The following RHEBL1 variants were observed in gnomAD, a reference collection of about 807,000 sequenced individuals.
The protein encoded by RHEBL1 is RHEB like 1, also known as GTPase RhebL1.
Under a neutral mutation model 27.4 loss-of-function variants are expected in RHEBL1, and 22 were observed. The observed-to-expected ratio is 0.80, with a 90% CI of 0.57 to 1.15. RHEBL1 has a LOEUF of 1.15. RHEBL1 is among the 50% of genes most tolerant of loss of function. RHEBL1 has a pLI of 0.00. For missense variants in RHEBL1, 186 were observed against 226.5 expected (o/e 0.82, Z 1.15); for synonymous variants, 85 against 80.8 (o/e 1.05, Z -0.28).
At chr12:49,068,994 G>C in intron 2 of RHEBL1, 41 bp downstream of exon 2, 7 of 1,580,042 alleles carry the variant, frequency 4.4e-6, no homozygotes, top group Non-Finnish European at 6.0e-6. Flanking sequence ...AAGCCCTCCG[G>C]GTCGCATACC....
rs753276277 is a variant in RHEBL1, at chr12:49,066,462, C to G, written c.332+14G>C. 1 of 1,613,416 alleles carries G rather than the reference C, an allele frequency of 6.2e-7. No individual in the cohort carries two copies. The highest frequency in any genetic ancestry group is 8.5e-7 in the Non-Finnish European group (1 of 1,179,328). ...CATGCCCACACTATGTCCCTATCCC[C>G]CAGGGCCACTTACCGGGTTTTCCCA... On this transcript the variant is annotated intron_variant, in intron 5 of 7. Coordinates refer to ENST00000301068, the MANE Select transcript of RHEBL1 (RefSeq NM_144593.3).
chr12:49,068,182 C>T (rs1026615851), intron 2 of RHEBL1, among the ~76,000 whole-genome samples: 12 of 150,716 alleles, frequency 8.0e-5, no homozygotes, highest in Admixed American at 5.3e-4. Flanking sequence ...CAGGCTAGAG[C>T]GCAGTGGCAC....
At chr12:49,067,096 T>C in intron 2 of RHEBL1, 61 bp from the exon 3 acceptor site, 1 of 908,228 alleles carries the variant, frequency 1.1e-6, no homozygotes, top group Non-Finnish European at 1.7e-6. Context: ...GTATGTCCCC[T>C]GACTTTTTTT....
intron 2 of RHEBL1, 71 bp downstream of exon 2, chr12:49,068,964 T>C (rs79664244): frequency 3.9e-5 from 57 of 1,465,280 alleles, no homozygotes; most frequent in South Asian, 2.9e-4. Context: ...AAATAAATTA[T>C]GGAGTTGGGT....
In RHEBL1 at chr12:49,065,368, T is replaced by C; in HGVS notation, c.444A>G (p.Ser148=). 3 of 1,614,148 alleles carry C rather than the reference T, an allele frequency of 1.9e-6. No homozygotes were observed. Among genetic ancestry groups the C allele is most frequent in the Non-Finnish European group, 2.5e-6 (3 of 1,180,016 alleles). The change falls in exon 7 of 8, where the codon TCA becomes TCG. Residue 148 remains serine (S), a synonymous_variant. Transcript: ENST00000301068. The stretch of plus-strand genomic sequence containing the variant: ...CCAGCACCTGATTCTCTCGAGCAGA[T>C]GACTCCATAAATGTCGCACCCCAGG... ...AESWGATFME[S]SARENQLTQG...
At chr12:49,066,832 C>G (rs754118188) in intron 3 of RHEBL1, 131 bp from the exon 4 acceptor site, 37 of 1,097,976 alleles carry the variant, frequency 3.4e-5, no homozygotes, top group Non-Finnish European at 4.6e-5. Flanking sequence ...ATTTATGGAA[C>G]AGCTCCAATG....
intron 2 of RHEBL1, among the ~76,000 whole-genome samples, chr12:49,068,158 T>G (rs1939028027): frequency 6.6e-6 from 1 of 151,726 alleles, no homozygotes. Flanking sequence ...AGACATTGCT[T>G]CACTCTTGTT....
At chr12:49,067,124 C>CTCTTGTCTCAAAA in intron 2 of RHEBL1, 89 bp from the exon 3 acceptor site, 1 of 763,546 alleles carries the variant, frequency 1.3e-6, no homozygotes, top group Non-Finnish European at 2.1e-6. Flanking sequence ...TTTTTTGAGA[C>CTCTTGTCTCAAAA]AAGAGTCTCA....
rs201496596 is a variant in RHEBL1, at chr12:49,065,384, G to A, written c.428C>T (p.Ala143Val). The A allele has an allele frequency of 1.9e-4, 314 of 1,613,884 alleles. No homozygotes were observed. Among genetic ancestry groups the A allele is most frequent in the Non-Finnish European group, 2.6e-4 (301 of 1,179,982 alleles). The change falls in exon 7 of 8, where the codon GCG (alanine) becomes GTG (valine). Residue 143 changes from alanine (A) to valine (V), a missense_variant. This residue lies in a region of RHEBL1 where 90 missense variants were observed against 95.2 expected (regional missense o/e 0.95). Coordinates refer to ENST00000301068, the MANE Select transcript of RHEBL1 (RefSeq NM_144593.3). ...EGKKLAESWGATFMESSAREN... is the reference protein window; with the variant it reads ...EGKKLAESWGVTFMESSAREN... ...TCGAGCAGATGACTCCATAAATGTC[G>A]CACCCCAGGACTCTGCCAGCTTCTT... is the stretch of plus-strand genomic sequence containing the variant.
At chr12:49,068,937 G>A (rs1481732702) in intron 2 of RHEBL1, 98 bp downstream of exon 2, 7 of 1,249,722 alleles carry the variant, frequency 5.6e-6, no homozygotes, top group African/African-American at 1.5e-5. Flanking sequence ...AAATAAATCA[G>A]CCCCTTGGCA....
rs186774244 is a variant in RHEBL1 at position 49,066,460 on chromosome 12, C to T, written c.332+16G>A. ...CTCATGCCCACACTATGTCCCTATCCCCCAGGGCCACTTACCGGGTTTTCC... is the reference window on the plus strand; with the variant it reads ...CTCATGCCCACACTATGTCCCTATCTCCCAGGGCCACTTACCGGGTTTTCC... On this transcript the variant is annotated intron_variant, in intron 5 of 7. Transcript: ENST00000301068. 9.7e-5 allele frequency: 157 copies of T among 1,613,192 alleles called. No individual in the cohort carries two copies. Among genetic ancestry groups the T allele is most frequent in the Admixed American group, 3.2e-4 (19 of 60,012 alleles).
intron 7 of RHEBL1, 38 bp from the exon 8 acceptor site, chr12:49,065,230 G>T (rs745428661): frequency 1.9e-6 from 3 of 1,571,712 alleles, no homozygotes; most frequent in South Asian, 2.2e-5. Flanking sequence ...AGTCAGTTCA[G>T]TGCCAATACC....
rs1565840557 is a variant in RHEBL1, at chr12:49,069,588, TTCC to T, written c.52+143_52+145del. On this transcript the variant is annotated intron_variant, in intron 1 of 7. Transcript: ENST00000301068. Reference sequence around the variant, plus strand: ...CACCAACTCTTCCAATCCTCCACTCTTCCATTCCTCCACTCTTCCAATCCTCGC... The same window carrying T: ...CACCAACTCTTCCAATCCTCCACTCTATTCCTCCACTCTTCCAATCCTCGC... The T allele has an allele frequency of 1.2e-4, 28 of 236,464 alleles. 9 individuals are homozygous for T. Among genetic ancestry groups the T allele is most frequent in the African/African-American group, 2.9e-4 (5 of 17,260 alleles). The allele number at this position is 236,464 out of a possible 1,614,324, so 14.6% of individuals were successfully genotyped here.
chr12:49,069,159 C>G, intron 1 of RHEBL1, 53 bp from the exon 2 acceptor site: 1 of 1,613,730 alleles, frequency 6.2e-7, no homozygotes, highest in Non-Finnish European at 8.5e-7. Flanking sequence ...ACATTCACAT[C>G]CTCTGTCCTT....
intron 2 of RHEBL1, among the ~76,000 whole-genome samples, 193 bp from the exon 3 acceptor site, chr12:49,067,228 G>A (rs564526767): frequency 2.7e-5 from 4 of 150,202 alleles, no homozygotes; most frequent in South Asian, 2.1e-4. Flanking sequence ...TCAGCCTCCC[G>A]AGTAGCTGGG....
At chr12:49,069,184 A>G (rs751429072) in intron 1 of RHEBL1, 78 bp from the exon 2 acceptor site, 496 of 1,609,442 alleles carry the variant, frequency 3.1e-4, no homozygotes, top group Non-Finnish European at 4.1e-4. Context: ...ACTGTGGCCC[A>G]GGACCAAAGG....
intron 1 of RHEBL1, chr12:49,069,320 G>C: frequency 1.3e-6 from 1 of 760,212 alleles, no homozygotes; most frequent in Non-Finnish European, 2.1e-6. Flanking sequence ...AAGCGCAGCA[G>C]GAAGCCTTTC....
At chr12:49,069,321 G>A (rs1214965925) in intron 1 of RHEBL1, 17 of 753,858 alleles carry the variant, frequency 2.3e-5, no homozygotes, top group Non-Finnish European at 3.5e-5. Flanking sequence ...AGCGCAGCAG[G>A]AAGCCTTTCC....
intron 1 of RHEBL1, 60 bp downstream of exon 1, chr12:49,069,674 G>A: frequency 6.8e-7 from 1 of 1,481,062 alleles, no homozygotes. Context: ...TCCCACGGCA[G>A]CGCGCCTCTT....
Sources: allele counts gnomAD v4.1 joint callset (sites outside exome capture counted in the v4.1 genomes callset), GRCh38; gene constraint gnomAD v4.1.1; regional missense constraint gnomAD v4.1.1; transcripts MANE v1.5; gene names NCBI Gene and HGNC (gene_info 2026-07-23, HGNC 2026-07-21).